MAP3K2: variants seen among roughly 807,000 people sequenced by gnomAD.
MAP3K2 encodes MAP/ERK kinase kinase 2.
MAP3K2 carries 24 observed loss-of-function variants against 80.3 expected under a neutral mutation model. That is an observed-to-expected ratio of 0.30 (90% CI 0.22 to 0.42). The LOEUF is 0.42. MAP3K2 is among the 10% of genes least tolerant of loss of function. The probability of loss-of-function intolerance (pLI) is 1.00; values close to 1 mark genes in which losing one functional copy is unlikely to be tolerated. For synonymous variants in MAP3K2, 244 were observed against 253.7 expected, an observed-to-expected ratio of 0.96 and a Z score of 0.36; for missense variants, 608 against 750.1, an observed-to-expected ratio of 0.81 and a Z score of 2.21.
chr2:127,325,719 A>C lies in MAP3K2; in HGVS notation c.677+9T>G, dbSNP rs1479106230. The C allele has an allele frequency of 6.2e-7, 1 of 1,602,746 alleles. No homozygotes were observed. The highest frequency in any genetic ancestry group is 1.3e-5 in the African/African-American group (1 of 74,704). On this transcript the variant is annotated intron_variant, in intron 9 of 16. Transcript: ENST00000682094. ...AAATAAACCCTCCAAAAACTACGAT[A>C]AACATTACCCATCCAAAGGACTATC...
At chr2:127,380,580 A>G (rs1267156067) in intron 1 of MAP3K2, among the ~76,000 whole-genome samples, 1 of 152,206 alleles carries the variant, frequency 6.6e-6, no homozygotes, top group Non-Finnish European at 1.5e-5. Flanking sequence ...TCCTCCTATT[A>G]GTTGGGAAGG....
At chr2:127,333,633 C>T in intron 5 of MAP3K2, among the ~76,000 whole-genome samples, 1 of 152,120 alleles carries the variant, frequency 6.6e-6, no homozygotes. Context: ...CTCAGGGTTG[C>T]AAGAAATCTT....
At chr2:127,315,855 C>T (rs532729440) in intron 14 of MAP3K2, among the ~76,000 whole-genome samples, 4 of 151,528 alleles carry the variant, frequency 2.6e-5, no homozygotes, top group South Asian at 2.1e-4. Flanking sequence ...GAGGCTGAGG[C>T]GGGCAGATCA....
intron 1 of MAP3K2, among the ~76,000 whole-genome samples, chr2:127,368,551 G>A: frequency 6.6e-6 from 1 of 152,050 alleles, no homozygotes; most frequent in East Asian, 1.9e-4. Flanking sequence ...GAACCAGGGA[G>A]GTGGAGGTTG....
At chr2:127,382,705 T>C (rs1044042981) in intron 1 of MAP3K2, among the ~76,000 whole-genome samples, 10 of 152,226 alleles carry the variant, frequency 6.6e-5, no homozygotes. Flanking sequence ...TTTGTATTTT[T>C]AGTAGAGACA....
intron 1 of MAP3K2, among the ~76,000 whole-genome samples, chr2:127,352,980 T>C (rs1164290157): frequency 1.3e-5 from 2 of 152,124 alleles, no homozygotes; most frequent in African/African-American, 4.8e-5. Flanking sequence ...GGATTGCAGA[T>C]GGAGTCTCGT....
rs1685645707 is a variant in MAP3K2, at chr2:127,303,913, T to C, written c.*3666A>G. 1 of 152,184 alleles carries C rather than the reference T, an allele frequency of 6.6e-6. No homozygotes were observed. The highest frequency in any genetic ancestry group is 6.5e-5 in the Admixed American group (1 of 15,268). The allele number at this position is 152,184 out of a possible 1,614,324, so 9.4% of individuals were successfully genotyped here. On this transcript the variant is annotated 3_prime_UTR_variant, in exon 17 of 17. Transcript: ENST00000682094. Reference sequence around the variant, plus strand: ...ATTTTATTTTCTAAGTGATTTCACATATCTTATAACAACTCCATGTCAGAA... The same window carrying C: ...ATTTTATTTTCTAAGTGATTTCACACATCTTATAACAACTCCATGTCAGAA...
At chr2:127,377,254 T>C (rs1687167726) in intron 1 of MAP3K2, among the ~76,000 whole-genome samples, 2 of 152,178 alleles carry the variant, frequency 1.3e-5, no homozygotes, top group African/African-American at 4.8e-5. Flanking sequence ...GAAAAGTATA[T>C]GTAATACAAA....
Position 127,322,902 on chromosome 2 carries a change from T to C in MAP3K2, c.839-650A>G, listed in dbSNP as rs1329021178. On this transcript the variant is annotated intron_variant, in intron 11 of 16. Coordinates refer to ENST00000682094, the MANE Select transcript of MAP3K2 (RefSeq NM_001371910.2). The surrounding 1 kb of genome is among the most constrained non-coding windows in gnomAD (Gnocchi z 4.2). ...GAGCCACCGCACCTGGCCAGTAATTTTTTTTCTTAAAGGGATGATGTAAGT... is the reference window on the plus strand; with the variant it reads ...GAGCCACCGCACCTGGCCAGTAATTCTTTTTCTTAAAGGGATGATGTAAGT... 3.3e-5 allele frequency among the ~76,000 whole-genome samples: 5 copies of C among 151,412 alleles called. No individual in the cohort carries two copies. Among genetic ancestry groups the C allele is most frequent in the African/African-American group, 1.2e-4 (5 of 41,240 alleles).
chr2:127,308,440 A>C (rs532611125), intron 16 of MAP3K2, 145 bp downstream of exon 16: 1 of 639,154 alleles, frequency 1.6e-6, no homozygotes, highest in South Asian at 3.4e-5. Flanking sequence ...AATAAGGCAC[A>C]ATTAATATAG....
chr2:127,352,961 A>G (rs979458814), intron 1 of MAP3K2, among the ~76,000 whole-genome samples: 1 of 152,080 alleles, frequency 6.6e-6, no homozygotes, highest in East Asian at 1.9e-4. Context: ...TCGGCCTCCC[A>G]AGGTGCCGGG....
rs186468301 is a variant in MAP3K2 at position 127,333,165 on chromosome 2, T to A, written c.265-2660A>T. Among the ~76,000 whole-genome samples, 208 of 149,276 alleles carry A rather than the reference T, an allele frequency of 1.4e-3. 3 individuals carry two copies. Among genetic ancestry groups the A allele is most frequent in the Admixed American group, 0.013 (198 of 14,908 alleles). On this transcript the variant is annotated intron_variant, in intron 5 of 16. Transcript: ENST00000682094. The stretch of plus-strand genomic sequence containing the variant: ...AAAAAAAAAATTCCTGCTCTACTCA[T>A]CTAAAATGGAAGTGATCTTAGAAAA...
chr2:127,354,920 T>C (rs1327711197), intron 1 of MAP3K2, among the ~76,000 whole-genome samples: 1 of 152,000 alleles, frequency 6.6e-6, no homozygotes, highest in Non-Finnish European at 1.5e-5. Flanking sequence ...AAAAATACAA[T>C]GCCTAAGATG....
At position 127,307,507 on chromosome 2, in the gene MAP3K2, A is replaced by G; in HGVS notation, c.*72T>C. On this transcript the variant is annotated 3_prime_UTR_variant, in exon 17 of 17. Coordinates refer to ENST00000682094, the MANE Select transcript of MAP3K2 (RefSeq NM_001371910.2). This position sits in a 1 kb window ranked among gnomAD's most constrained non-coding sequence, Gnocchi z 5.4. Reference sequence around the variant, plus strand: ...CCATCTCTCTTTTTTTATAAAAAAGAAAAGTGCAGTCAGAGAGAAGGTGAA... The same window carrying G: ...CCATCTCTCTTTTTTTATAAAAAAGGAAAGTGCAGTCAGAGAGAAGGTGAA... 1.1e-6 allele frequency: 1 copy of G among 875,714 alleles called. No homozygotes were observed. The highest frequency in any genetic ancestry group is 1.7e-6 in the Non-Finnish European group (1 of 602,222). 54.2% of individuals were successfully genotyped at this position (875,714 alleles called of 1,614,324 possible). A position where few individuals can be genotyped will look rare whatever the true frequency, so the allele number is the denominator to read the frequency against.
rs367670762 is a variant in MAP3K2, at chr2:127,366,866, GTTTTTTTTTT to G, written c.-66+20576_-66+20585del. On this transcript the variant is annotated intron_variant, in intron 1 of 16. Transcript: ENST00000682094. The stretch of plus-strand genomic sequence containing the variant: ...TTACTAAGCTGTCCCACAGTCAAGG[GTTTTTTTTTT>G]TTTTTTTTTTTTTGAGACAGAGTCT... Among the ~76,000 whole-genome samples the G allele has an allele frequency of 1.2e-3, 98 of 85,090 alleles. 5 individuals are homozygous for G. Among genetic ancestry groups the G allele is most frequent in the Admixed American group, 1.9e-4 (1 of 5,252 alleles). The allele number at this position is 85,090 out of a possible 152,430, so 55.8% of individuals were successfully genotyped here. A position where few individuals can be genotyped will look rare whatever the true frequency, so the allele number is the denominator to read the frequency against.
intron 1 of MAP3K2, among the ~76,000 whole-genome samples, chr2:127,349,027 A>G (rs1573996788): frequency 6.6e-6 from 1 of 152,222 alleles, no homozygotes; most frequent in Admixed American, 6.5e-5. Context: ...CCATTTTGTA[A>G]GCACTGACAA....
intron 8 of MAP3K2, among the ~76,000 whole-genome samples, 154 bp from the exon 9 acceptor site, chr2:127,325,961 C>T (rs1686129019): frequency 6.6e-6 from 1 of 152,102 alleles, no homozygotes; most frequent in African/African-American, 2.4e-5. Flanking sequence ...GAGAGTTGTG[C>T]AACCCTCACT....
intron 1 of MAP3K2, among the ~76,000 whole-genome samples, chr2:127,344,924 C>T (rs1023722816): frequency 1.3e-5 from 2 of 152,194 alleles, no homozygotes; most frequent in African/African-American, 2.4e-5. Flanking sequence ...GGTGCACTGG[C>T]ATGATCACAG....
intron 1 of MAP3K2, among the ~76,000 whole-genome samples, chr2:127,345,037 A>T (rs1686572718): frequency 6.6e-6 from 1 of 152,060 alleles, no homozygotes. Flanking sequence ...GCTGATTTTT[A>T]AAAAAAGATT....
Sources: allele counts gnomAD v4.1 joint callset (sites outside exome capture counted in the v4.1 genomes callset), GRCh38; gene constraint gnomAD v4.1.1; non-coding constraint Gnocchi (gnomAD v3.1); transcripts MANE v1.5; gene names NCBI Gene and HGNC (gene_info 2026-07-23, HGNC 2026-07-21).